CDK7: variants seen among roughly 807,000 people sequenced by gnomAD.
CDK7 encodes cyclin-dependent kinase 7.
In CDK7, 25 loss-of-function variants were observed where a neutral mutation model predicts 49.1. The observed-to-expected ratio is 0.51, with a 90% confidence interval of 0.37 to 0.71. The LOEUF (loss-of-function observed/expected upper bound fraction) is 0.71. Among genes scored for constraint, CDK7 ranks in the 30% least tolerant of loss-of-function variants. The pLI is 0.00. For missense variants in CDK7, 316 were observed against 411.7 expected, an observed-to-expected ratio of 0.77 and a Z score of 2.01; for synonymous variants, 107 against 140.0, an observed-to-expected ratio of 0.76 and a Z score of 1.67.
rs114405473 is a variant in CDK7, at chr5:69,247,307, C to G, written c.127-5111C>G. ...TATATATTTTCAATTTTTATATCCT[C>G]TTACTGAATTGACGCCTTTATCATT... On this transcript the variant is annotated intron_variant, in intron 2 of 11. Transcript: ENST00000256443. Among the ~76,000 whole-genome samples the G allele has an allele frequency of 9.1e-3, 1,380 of 152,252 alleles. 26 individuals carry two copies. The highest frequency in any genetic ancestry group is 0.032 in the African/African-American group (1,334 of 41,550).
chr5:69,269,634 C>T (rs866068625), intron 9 of CDK7, among the ~76,000 whole-genome samples: 10 of 151,956 alleles, frequency 6.6e-5, no homozygotes, highest in Non-Finnish European at 1.2e-4. Context: ...AATGGGTTCA[C>T]GTCGTATATA....
intron 10 of CDK7, among the ~76,000 whole-genome samples, chr5:69,274,286 C>T (rs923972618): frequency 1.3e-5 from 2 of 151,986 alleles, no homozygotes; most frequent in Non-Finnish European, 2.9e-5. Flanking sequence ...ATCTTTAGCC[C>T]AGAATTAGCC....
chr5:69,272,971 G>C lies in CDK7; in HGVS notation c.794G>C (p.Gly265Ala), dbSNP rs1271158007. Residue 265 changes from glycine to alanine, a missense_variant, in exon 10 of 12, where the codon GGA (glycine) becomes GCA (alanine). Transcript: ENST00000256443. ...IPLHHIFSAA[G>A]DDLLDLIQGL... The stretch of plus-strand genomic sequence containing the variant: ...TTGCATCACATCTTCAGTGCAGCAG[G>C]AGACGACTTACTAGATCTCATACAA... 6.3e-7 allele frequency: 1 copy of C among 1,576,058 alleles called. No individual in the cohort carries two copies. The highest frequency in any genetic ancestry group is 8.6e-7 in the Non-Finnish European group (1 of 1,160,842).
At chr5:69,261,553 C>T (rs72767863) in intron 7 of CDK7, among the ~76,000 whole-genome samples, 22,993 of 137,966 alleles carry the variant, frequency 0.17, 1,904 homozygotes, top group African/African-American at 0.22. Flanking sequence ...TGTTTTGAGA[C>T]GGAATCTGGC....
At position 69,269,136 on chromosome 5, in the gene CDK7, C is replaced by T. The variant is rs1052647844; in HGVS notation, c.628-71C>T. On this transcript the variant is annotated intron_variant, in intron 8 of 11. Coordinates refer to ENST00000256443, the MANE Select transcript of CDK7 (RefSeq NM_001799.4). The stretch of plus-strand genomic sequence containing the variant: ...CCTGGGTGACAGAGCGAGACTCTGT[C>T]TCTCTAAAAAAAGAAAAAAATTAAA... The T allele has an allele frequency of 7.4e-6, 7 of 943,798 alleles. No individual in the cohort carries two copies. The African/African-American group carries it at 1.2e-4, about 17-fold the overall frequency. The allele number at this position is 943,798 out of a possible 1,614,324, so 58.5% of individuals were successfully genotyped here. A position where few individuals can be genotyped will look rare whatever the true frequency, so the allele number is the denominator to read the frequency against.
At chr5:69,274,324 T>C (rs1751881965) in intron 10 of CDK7, among the ~76,000 whole-genome samples, 1 of 152,208 alleles carries the variant, frequency 6.6e-6, no homozygotes, top group African/African-American at 2.4e-5. Context: ...TGCTGTGATT[T>C]AGAAGTAATG....
intron 8 of CDK7, among the ~76,000 whole-genome samples, chr5:69,264,696 C>T (rs776393731): frequency 3.3e-5 from 5 of 152,236 alleles, no homozygotes; most frequent in Non-Finnish European, 4.4e-5. Flanking sequence ...TGAGGCCGGG[C>T]GCAGTAGCTC....
At chr5:69,268,645 G>A (rs181632218) in intron 8 of CDK7, among the ~76,000 whole-genome samples, 2 of 151,880 alleles carry the variant, frequency 1.3e-5, no homozygotes, top group Admixed American at 1.3e-4. Flanking sequence ...AATGTCAGGA[G>A]ATCGAGACCA....
At chr5:69,258,951 C>T (rs1209833107) in intron 6 of CDK7, among the ~76,000 whole-genome samples, 2 of 151,922 alleles carry the variant, frequency 1.3e-5, no homozygotes, top group Admixed American at 1.3e-4. Context: ...TGGTGCACAC[C>T]TGTAGTCCCA....
In CDK7 at chr5:69,235,052, C is replaced by A; in HGVS notation, c.66+11C>A. On this transcript the variant is annotated intron_variant, in intron 1 of 11. Coordinates refer to ENST00000256443, the MANE Select transcript of CDK7 (RefSeq NM_001799.4). Reference sequence around the variant, plus strand: ...CTTGGGGAGGGACAGGTGAGGCTCTCTGGAAGGACGGGGAGGGCCCCAAGC... The same window carrying A: ...CTTGGGGAGGGACAGGTGAGGCTCTATGGAAGGACGGGGAGGGCCCCAAGC... 6.3e-7 allele frequency: 1 copy of A among 1,596,762 alleles called. No homozygotes were observed. Among genetic ancestry groups the A allele is most frequent in the Non-Finnish European group, 8.5e-7 (1 of 1,171,766 alleles).
At chr5:69,243,851 G>C (rs1407492369) in intron 2 of CDK7, among the ~76,000 whole-genome samples, 4 of 9,110 alleles carry the variant, frequency 4.4e-4, no homozygotes, top group African/African-American at 1.1e-3. Context: ...TTTTTTTTTT[G>C]AGATGGAGTC....
At chr5:69,257,957 AC>A (rs1750588317) in intron 5 of CDK7, 85 bp from the exon 6 acceptor site, 1 of 746,112 alleles carries the variant, frequency 1.3e-6, no homozygotes. Context: ...ATTGATACTT[AC>A]ATTTTAAGTC....
chr5:69,241,949 G>T (rs1350434903), intron 2 of CDK7, among the ~76,000 whole-genome samples: 4 of 152,088 alleles, frequency 2.6e-5, no homozygotes, highest in African/African-American at 7.2e-5. Flanking sequence ...GGTTGCCTGT[G>T]CTTGTGGGGT....
chr5:69,262,668 C>CAAAAAAAAAAAAAAAAAA (rs35645434), intron 8 of CDK7, among the ~76,000 whole-genome samples: 1 of 113,590 alleles, frequency 8.8e-6, no homozygotes. Flanking sequence ...GGCTCCATCT[C>CAAAAAAAAAAAAAAAAAA]AAAAAAAAAA....
At chr5:69,251,091 C>T (rs1275770439) in intron 2 of CDK7, among the ~76,000 whole-genome samples, 3 of 147,234 alleles carry the variant, frequency 2.0e-5, no homozygotes, top group Admixed American at 1.4e-4. Context: ...AACCATGCCC[C>T]GGTAACTTTT....
chr5:69,237,292 G>A (rs901912850), intron 2 of CDK7, among the ~76,000 whole-genome samples: 6 of 151,988 alleles, frequency 3.9e-5, no homozygotes, highest in African/African-American at 1.5e-4. Flanking sequence ...TCTGTCTCTG[G>A]TTCACTATAT....
chr5:69,247,277 G>A (rs1485857141), intron 2 of CDK7, among the ~76,000 whole-genome samples: 3 of 152,084 alleles, frequency 2.0e-5, no homozygotes, highest in African/African-American at 4.8e-5. Context: ...CCATTGTTGG[G>A]TGCATATATA....
At chr5:69,249,198 G>A (rs1749972587) in intron 2 of CDK7, among the ~76,000 whole-genome samples, 1 of 151,554 alleles carries the variant, frequency 6.6e-6, no homozygotes, top group Non-Finnish European at 1.5e-5. Flanking sequence ...CAAATAGCCT[G>A]TCTTCAAGCT....
rs1376105619 is a variant in CDK7, at chr5:69,235,451, A to AC, written c.124_125insC (p.Lys42ThrfsTer7). 1 of 1,594,358 alleles carries AC rather than the reference A, an allele frequency of 6.3e-7. No individual in the cohort carries two copies. The highest frequency in any genetic ancestry group is 8.6e-7 in the Non-Finnish European group (1 of 1,162,506). ...CACCAACCAAATTGTCGCCATTAAG[A>AC]AAGTGAGTTACCTTTTTATGTTGTT... is the stretch of plus-strand genomic sequence containing the variant. On this transcript the variant is annotated frameshift_variant and splice_region_variant, in exon 2 of 12. Transcript: ENST00000256443. LOFTEE classifies it high-confidence loss of function.
Sources: allele counts gnomAD v4.1 joint callset (sites outside exome capture counted in the v4.1 genomes callset), GRCh38; gene constraint gnomAD v4.1.1; transcripts MANE v1.5; gene names NCBI Gene and HGNC (gene_info 2026-07-23, HGNC 2026-07-21).